The following RBFOX3 variants were observed in gnomAD, a reference collection of about 807,000 sequenced individuals.
RBFOX3 encodes the protein RNA binding protein fox-1 homolog 3.
RBFOX3 carries 17 observed loss-of-function variants against 48.7 expected under a neutral mutation model. That is an observed-to-expected ratio of 0.35 (90% CI 0.24 to 0.52). The LOEUF (loss-of-function observed/expected upper bound fraction) is 0.52, where lower values mean the gene tolerates loss of function less well. Among genes scored for constraint, RBFOX3 ranks in the 20% least tolerant of loss-of-function variants. The probability of loss-of-function intolerance (pLI) is 0.94; values close to 1 mark genes in which losing one functional copy is unlikely to be tolerated. For synonymous variants in RBFOX3, 212 were observed against 209.5 expected (o/e 1.01, Z -0.10); for missense variants, 382 against 497.5 (o/e 0.77, Z 2.21).
chr17:79,465,578 C>CAAA (rs34170241), intron 2 of RBFOX3, among the ~76,000 whole-genome samples: 1 of 134,606 alleles, frequency 7.4e-6, no homozygotes, highest in Non-Finnish European at 1.7e-5. Flanking sequence ...CACACATGCA[C>CAAA]AAAAAAAAAA....
rs1018339215 is a variant in RBFOX3 at position 79,125,167 on chromosome 17, G to A, written c.-33-9419C>T. Among the ~76,000 whole-genome samples the A allele has an allele frequency of 1.5e-4, 23 of 152,292 alleles. 1 individual carries two copies. Among genetic ancestry groups the A allele is most frequent in the Admixed American group, 7.2e-4 (11 of 15,302 alleles). Reference sequence around the variant, plus strand: ...TCCTGATGACATGACGGTGTGGGGCGAGGGCTTCCCTAGCCCAGGACAGGC... The same window carrying A: ...TCCTGATGACATGACGGTGTGGGGCAAGGGCTTCCCTAGCCCAGGACAGGC... On this transcript the variant is annotated intron_variant, in intron 4 of 14. Transcript: ENST00000693108.
intron 4 of RBFOX3, among the ~76,000 whole-genome samples, chr17:79,206,542 C>T (rs1435518864): frequency 2.2e-5 from 3 of 137,884 alleles, no homozygotes; most frequent in Admixed American, 7.8e-5. Flanking sequence ...AAGAAGTGGG[C>T]GGGAGCGGAT....
chr17:79,390,708 C>T lies in RBFOX3; in HGVS notation c.-174-82884G>A, dbSNP rs1232016841. On this transcript the variant is annotated intron_variant, in intron 2 of 14. Coordinates refer to ENST00000693108, the MANE Select transcript of RBFOX3 (RefSeq NM_001350451.2). This position sits in a 1 kb window ranked among gnomAD's most constrained non-coding sequence, Gnocchi z 4.2. ...GCCAGGCTGGTCTCGAACTCCTTAT[C>T]TCAGACAATCTGCCCGTCTCGGCCT... Among the ~76,000 whole-genome samples, 1 of 152,210 alleles carries T rather than the reference C, an allele frequency of 6.6e-6. No individual in the cohort carries two copies. The highest frequency in any genetic ancestry group is 1.5e-5 in the Non-Finnish European group (1 of 68,036).
intron 3 of RBFOX3, among the ~76,000 whole-genome samples, chr17:79,248,271 T>C (rs1196167425): frequency 6.6e-6 from 1 of 151,868 alleles, no homozygotes; most frequent in Non-Finnish European, 1.5e-5. Flanking sequence ...TCTTGCTCTG[T>C]CCCCTGGGCT....
intron 2 of RBFOX3, among the ~76,000 whole-genome samples, chr17:79,445,756 G>A (rs913832096): frequency 7.9e-5 from 12 of 152,230 alleles, no homozygotes; most frequent in Admixed American, 7.8e-4. Flanking sequence ...TCGGCTGGGT[G>A]TTGCCCTGTT....
chr17:79,561,834 CTG>C (rs1293090494), intron 1 of RBFOX3, among the ~76,000 whole-genome samples: 3 of 152,182 alleles, frequency 2.0e-5, no homozygotes, highest in African/African-American at 7.2e-5. Flanking sequence ...CCGTCCACAC[CTG>C]TGTCTGGTGG....
intron 1 of RBFOX3, among the ~76,000 whole-genome samples, chr17:79,590,305 GC>G (rs2093381073): frequency 6.6e-6 from 1 of 152,190 alleles, no homozygotes. Flanking sequence ...AAGGGAGGGG[GC>G]TAGATGGAGG....
At chr17:79,097,466 G>A in intron 10 of RBFOX3, 42 bp from the exon 11 acceptor site, 2 of 1,503,650 alleles carry the variant, frequency 1.3e-6, no homozygotes, top group Non-Finnish European at 1.8e-6. Context: ...GAGGCACAAG[G>A]GGACCCACCT....
rs369581026 is a variant in RBFOX3, at chr17:79,293,866, T to C, written c.-74+13858A>G. Among the ~76,000 whole-genome samples, 37 of 152,046 alleles carry C rather than the reference T, an allele frequency of 2.4e-4. No individual in the cohort carries two copies. In the South Asian group the frequency reaches 7.7e-3, roughly 32 times the overall value. Reference sequence around the variant, plus strand: ...TAAGCCAGATGAAGGAGAAGAGAAATATAGGGAGGCTGTCAGGGACTCATT... The same window carrying C: ...TAAGCCAGATGAAGGAGAAGAGAAACATAGGGAGGCTGTCAGGGACTCATT... On this transcript the variant is annotated intron_variant, in intron 3 of 14. Transcript: ENST00000693108.
At chr17:79,651,024 G>T in the RBFOX3 span, among the ~76,000 whole-genome samples, 2 of 152,224 alleles carry the variant, frequency 1.3e-5, no homozygotes, top group Non-Finnish European at 2.9e-5. Context: ...CGCCATCCAG[G>T]CAGGGGATTC....
intron 3 of RBFOX3, among the ~76,000 whole-genome samples, chr17:79,257,091 C>T (rs1178909044): frequency 2.0e-5 from 3 of 152,138 alleles, no homozygotes; most frequent in Non-Finnish European, 2.9e-5. Flanking sequence ...GTATGAGGTT[C>T]GACTCACATC....
chr17:79,184,977 G>A (rs2053097727), intron 4 of RBFOX3, among the ~76,000 whole-genome samples: 1 of 152,238 alleles, frequency 6.6e-6, no homozygotes, highest in South Asian at 2.1e-4. Context: ...GGCCATTGAG[G>A]AAGAGGGAAC....
chr17:79,452,062 G>T (rs1358426536), intron 2 of RBFOX3, among the ~76,000 whole-genome samples: 1 of 152,192 alleles, frequency 6.6e-6, no homozygotes, highest in Non-Finnish European at 1.5e-5. Flanking sequence ...AATTCAGCTG[G>T]CCTAGAAGGA....
At chr17:79,255,168 T>C (rs1234753696) in intron 3 of RBFOX3, among the ~76,000 whole-genome samples, 1 of 151,972 alleles carries the variant, frequency 6.6e-6, no homozygotes, top group East Asian at 1.9e-4. Context: ...GCCAGTCTGG[T>C]GCTGCCTCCA....
chr17:79,305,207 G>A (rs1410606090), intron 3 of RBFOX3, among the ~76,000 whole-genome samples: 1 of 152,050 alleles, frequency 6.6e-6, no homozygotes, highest in African/African-American at 2.4e-5. Context: ...CCACTAAAGG[G>A]TTCTTGCCTG....
the RBFOX3 span, among the ~76,000 whole-genome samples, chr17:79,630,977 C>T: frequency 6.6e-6 from 1 of 152,092 alleles, no homozygotes. Context: ...ACAGTCTCTT[C>T]AGAACCTCAT....
intron 4 of RBFOX3, chr17:79,136,482 C>G (rs372770448): frequency 6.6e-6 from 1 of 152,638 alleles, no homozygotes; most frequent in Admixed American, 6.5e-5. Flanking sequence ...AGAAGCACCC[C>G]CCACCGGCCC....
chr17:79,125,589 T>C, intron 4 of RBFOX3, among the ~76,000 whole-genome samples: 1 of 152,282 alleles, frequency 6.6e-6, no homozygotes, highest in African/African-American at 2.4e-5. Context: ...GGCTGGCCAA[T>C]GGTCTGGCCG....
chr17:79,155,642 C>T (rs905558750), intron 4 of RBFOX3, among the ~76,000 whole-genome samples: 13 of 152,074 alleles, frequency 8.5e-5, no homozygotes, highest in African/African-American at 3.1e-4. Context: ...GGACCCTGTC[C>T]CTTAGGGGCA....
Sources: gnomAD v4.1 joint callset for allele counts (sites outside exome capture counted in the v4.1 genomes callset) on GRCh38, gnomAD v4.1.1 for gene constraint, Gnocchi (gnomAD v3.1) non-coding constraint, MANE v1.5 for transcripts, NCBI Gene and HGNC (gene_info 2026-07-23, HGNC 2026-07-21) for gene names.